CYP3A4: variants seen among roughly 807,000 people sequenced by gnomAD.
CYP3A4 encodes the protein cytochrome P450 3A4.
In CYP3A4, 41 loss-of-function variants were observed where a neutral mutation model predicts 54.9. The observed-to-expected ratio is 0.75, with a 90% CI of 0.58 to 0.97. The LOEUF (loss-of-function observed/expected upper bound fraction) is 0.97, where lower values mean the gene tolerates loss of function less well. CYP3A4 is among the 50% of genes least tolerant of loss of function. The probability of loss-of-function intolerance (pLI) is 0.00; values close to 1 mark genes in which losing one functional copy is unlikely to be tolerated. For synonymous variants in CYP3A4, 179 were observed against 205.2 expected, an observed-to-expected ratio of 0.87 and a Z score of 1.09; for missense variants, 510 against 597.3, an observed-to-expected ratio of 0.85 and a Z score of 1.52.
intron 1 of CYP3A4, 46 bp downstream of exon 1, chr7:99,783,965 C>G: frequency 6.3e-7 from 1 of 1,590,546 alleles, no homozygotes; most frequent in Non-Finnish European, 8.6e-7. Flanking sequence ...TGATTAGCAC[C>G]CCAAGTCCAA....
intron 6 of CYP3A4, among the ~76,000 whole-genome samples, chr7:99,769,270 C>G (rs1038398374): frequency 1.3e-5 from 2 of 152,140 alleles, no homozygotes; most frequent in African/African-American, 4.8e-5. Context: ...ACCACCCTCT[C>G]TCTTTGAGAC....
At chr7:99,772,482 C>T (rs1429810808) in intron 4 of CYP3A4, 108 bp downstream of exon 4, 30 of 1,396,996 alleles carry the variant, frequency 2.1e-5, no homozygotes, top group Admixed American at 3.6e-5. Flanking sequence ...ATGAAGTGGA[C>T]GTGGAACCTT....
At chr7:99,770,843 T>G (rs1357568066) in intron 4 of CYP3A4, among the ~76,000 whole-genome samples, 1 of 152,230 alleles carries the variant, frequency 6.6e-6, no homozygotes, top group Non-Finnish European at 1.5e-5. Context: ...TTTGCCAACT[T>G]GGAACTGGCC....
Position 99,760,841 on chromosome 7 carries a change from AAGG to A in CYP3A4, c.1391_1393del (p.Ser464del), listed in dbSNP as rs767927619. On this transcript the variant is annotated inframe_deletion, in exon 12 of 13. Coordinates refer to ENST00000651514, the MANE Select transcript of CYP3A4 (RefSeq NM_017460.6). The stretch of plus-strand genomic sequence containing the variant: ...AACCTGTGTTTCTTTACAAGGTTTG[AAGG>A]AGAAGTTCTGAAGGACTCTGATTAG... 6.8e-6 allele frequency: 11 copies of A among 1,613,950 alleles called. No individual in the cohort carries two copies. The African/African-American group carries it at 1.2e-4, about 18-fold the overall frequency.
rs149185126 is a variant in CYP3A4, at chr7:99,767,308, G to A, written c.671-50C>T. On this transcript the variant is annotated intron_variant, in intron 7 of 12. Coordinates refer to ENST00000651514, the MANE Select transcript of CYP3A4 (RefSeq NM_017460.6). Reference sequence around the variant, plus strand: ...AGAAAAAGAAATTCATTGTGAATGTGCAAAATTTACCTGGAGCAATTCTAG... The same window carrying A: ...AGAAAAAGAAATTCATTGTGAATGTACAAAATTTACCTGGAGCAATTCTAG... 177 of 1,512,994 alleles carry A rather than the reference G, an allele frequency of 1.2e-4. No individual in the cohort carries two copies. The African/African-American group carries it at 2.4e-3, about 20-fold the overall frequency. The allele number at this position is 1,512,994 out of a possible 1,614,324, so 93.7% of individuals were successfully genotyped here. A position where few individuals can be genotyped will look rare whatever the true frequency, so the allele number is the denominator to read the frequency against.
intron 3 of CYP3A4, 129 bp downstream of exon 3, chr7:99,777,899 C>T (rs1815813233): frequency 1.3e-6 from 1 of 753,700 alleles, no homozygotes; most frequent in Admixed American, 2.4e-5. Context: ...CAGAGAACTT[C>T]TCTCTGTTTG....
chr7:99,758,297 G>A, intron 12 of CYP3A4, 69 bp from the exon 13 acceptor site: 1 of 1,532,846 alleles, frequency 6.5e-7, no homozygotes, highest in South Asian at 1.1e-5. Context: ...GCATCAAAGT[G>A]AGTGAGACAC....
intron 4 of CYP3A4, among the ~76,000 whole-genome samples, chr7:99,771,570 C>G (rs1386484131): frequency 6.6e-6 from 1 of 152,094 alleles, no homozygotes; most frequent in Non-Finnish European, 1.5e-5. Context: ...CAATTCTTGT[C>G]AAAATAACAG....
Position 99,763,964 on chromosome 7 carries a change from C to G in CYP3A4, c.917G>C (p.Gly306Ala). Residue 306 changes from glycine (G) to alanine (A), a missense_variant, in exon 10 of 13, where the codon GGC becomes GCC. Physicochemically the swap from Gly to Ala is moderately conservative, Grantham distance 60 (BLOSUM62 0). This residue lies in a region of CYP3A4 where 238 missense variants were observed against 322.5 expected (regional missense o/e 0.74). Coordinates refer to ENST00000651514, the MANE Select transcript of CYP3A4 (RefSeq NM_017460.6). The stretch of plus-strand genomic sequence containing the variant: ...GAGAACACTGCTCGTGGTTTCATAG[C>G]CAGCAAAAATAAAGATAATTGATTG... ...VAQSIIFIFA[G>A]YETTSSVLSF... The G allele has an allele frequency of 6.2e-7, 1 of 1,613,874 alleles. No homozygotes were observed. Among genetic ancestry groups the G allele is most frequent in the Non-Finnish European group, 8.5e-7 (1 of 1,179,916 alleles).
At chr7:99,776,688 G>A (rs1815779877) in intron 3 of CYP3A4, among the ~76,000 whole-genome samples, 1 of 152,062 alleles carries the variant, frequency 6.6e-6, no homozygotes, top group Non-Finnish European at 1.5e-5. Flanking sequence ...ACTGGGGCCT[G>A]TTGTTGGGTG....
chr7:99,769,086 A>G (rs28988583), intron 6 of CYP3A4, among the ~76,000 whole-genome samples: 6,057 of 152,242 alleles, frequency 0.04, 154 homozygotes, highest in African/African-American at 0.068. Flanking sequence ...TTTGTAAAAT[A>G]TAATGACCAA....
chr7:99,766,598 C>T, intron 8 of CYP3A4, 155 bp from the exon 9 acceptor site: 1 of 854,592 alleles, frequency 1.2e-6, no homozygotes, highest in Non-Finnish European at 1.8e-6. Context: ...AAAAACATAC[C>T]CTTCTAAATC....
chr7:99,766,413 C>G lies in CYP3A4; in HGVS notation c.829G>C (p.Asp277His). 7.4e-6 allele frequency: 12 copies of G among 1,613,680 alleles called. No individual in the cohort carries two copies. The highest frequency in any genetic ancestry group is 1.0e-5 in the Non-Finnish European group (12 of 1,179,722). The change falls in exon 9 of 13, where the codon GAC (aspartate) becomes CAC (histidine). Residue 277 changes from aspartate (D) to histidine (H), a missense_variant. By Grantham distance (81) the Asp-to-His change is moderately conservative. Around this residue, in one of 2 missense-constraint regions of CYP3A4, gnomAD observed 238 missense variants for 322.5 expected, o/e 0.74. Coordinates refer to ENST00000651514, the MANE Select transcript of CYP3A4 (RefSeq NM_017460.6). ...HRVDFLQLMI[D>H]SQNSKETESH... ...TCAGTTTCTTTTGAATTCTGAGAGTCAATCATCAGCTGAAGGAAATCCACT... is the reference window on the plus strand; with the variant it reads ...TCAGTTTCTTTTGAATTCTGAGAGTGAATCATCAGCTGAAGGAAATCCACT...
chr7:99,776,682 G>T (rs1815779658), intron 3 of CYP3A4, among the ~76,000 whole-genome samples: 1 of 152,050 alleles, frequency 6.6e-6, no homozygotes, highest in Non-Finnish European at 1.5e-5. Flanking sequence ...TCACACACTG[G>T]GGCCTGTTGT....
At position 99,772,703 on chromosome 7, in the gene CYP3A4, A is replaced by T; in HGVS notation, c.219-14T>A. ...CCATCATAAAAGCTGTGTGAAAAAA[A>T]CAGAGTTGATTAAACATCAACAGCC... On this transcript the variant is annotated splice_polypyrimidine_tract_variant and intron_variant, in intron 3 of 12. Transcript: ENST00000651514. The T allele has an allele frequency of 6.2e-7, 1 of 1,612,662 alleles. No individual in the cohort carries two copies. The highest frequency in any genetic ancestry group is 8.5e-7 in the Non-Finnish European group (1 of 1,179,032).
At chr7:99,779,475 T>C (rs1024898060) in intron 2 of CYP3A4, among the ~76,000 whole-genome samples, 11 of 152,116 alleles carry the variant, frequency 7.2e-5, no homozygotes, top group South Asian at 2.1e-4. Context: ...TCGGAGAGGA[T>C]TGAAGCAGGT....
chr7:99,775,068 A>G (rs756676279), intron 3 of CYP3A4, among the ~76,000 whole-genome samples: 1 of 152,178 alleles, frequency 6.6e-6, no homozygotes, highest in Non-Finnish European at 1.5e-5. Context: ...GAGCCAAATC[A>G]TGAGTGAACT....
chr7:99,769,500 T>C (rs543623202), intron 6 of CYP3A4: 1 of 456,418 alleles, frequency 2.2e-6, no homozygotes, highest in South Asian at 2.2e-5. Flanking sequence ...CTAAAGGATA[T>C]ATTTAGTCTT....
At chr7:99,780,139 G>T in intron 1 of CYP3A4, 54 bp from the exon 2 acceptor site, 1 of 1,550,494 alleles carries the variant, frequency 6.4e-7, no homozygotes, top group Non-Finnish European at 8.9e-7. Context: ...ATAGATATAG[G>T]GGTTGATGAG....
Sources: gnomAD v4.1 joint callset for allele counts (sites outside exome capture counted in the v4.1 genomes callset) on GRCh38, gnomAD v4.1.1 for gene constraint, gnomAD v4.1.1 regional missense constraint, MANE v1.5 for transcripts, NCBI Gene and HGNC (gene_info 2026-07-23, HGNC 2026-07-21) for gene names.